KLHL2: variants seen among roughly 807,000 people sequenced by gnomAD.
KLHL2 encodes kelch like family member 2.
A neutral mutation model predicts 75.8 loss-of-function variants in KLHL2; 15 were observed. That is an observed-to-expected ratio of 0.20 (90% confidence interval 0.13 to 0.30). The LOEUF (loss-of-function observed/expected upper bound fraction) is 0.30. Among genes scored for constraint, KLHL2 ranks in the 10% least tolerant of loss-of-function variants. The pLI, the probability that KLHL2 is intolerant of heterozygous loss-of-function variation, is 1.00. For synonymous variants in KLHL2, 214 were observed against 251.9 expected (o/e 0.85, Z 1.42); for missense variants, 381 against 741.0 (o/e 0.51, Z 5.64).
intron 2 of KLHL2, among the ~76,000 whole-genome samples, chr4:165,227,236 A>G (rs6821996): frequency 0.084 from 12,715 of 152,136 alleles, 597 homozygotes; most frequent in Middle Eastern, 0.1. Flanking sequence ...GGTAACACAC[A>G]AGCCATACCA....
chr4:165,284,710 C>T (rs1304484852), intron 5 of KLHL2, among the ~76,000 whole-genome samples: 2 of 152,196 alleles, frequency 1.3e-5, no homozygotes, highest in Non-Finnish European at 2.9e-5. Context: ...TTCTGCAGCA[C>T]CCCACTTTAC....
intron 11 of KLHL2, 38 bp downstream of exon 11, chr4:165,311,603 T>G: frequency 6.9e-7 from 1 of 1,442,466 alleles, no homozygotes; most frequent in South Asian, 1.2e-5. Flanking sequence ...ATGTGGCATT[T>G]TGATCCTTGA....
In KLHL2 at chr4:165,219,947, G is replaced by T. The variant is rs777198786; in HGVS notation, c.40G>T (p.Gly14Cys). ...PPLPPACTKQ[G>C]HQKPLDSKDD... ...TTTTATGTACAGATGCACAAAGCAG[G>T]GTCATCAGAAGCCTCTCGATTCAAA... The change falls in exon 2 of 15, where the codon GGT (glycine) becomes TGT (cysteine). Residue 14 changes from glycine to cysteine, a missense_variant. By Grantham distance (159) the Gly-to-Cys change is radical (BLOSUM62 -3). Coordinates refer to ENST00000226725, the MANE Select transcript of KLHL2 (RefSeq NM_007246.4). 301 of 1,613,110 alleles carry T rather than the reference G, an allele frequency of 1.9e-4. No homozygotes were observed. The highest frequency in any genetic ancestry group is 2.5e-4 in the Non-Finnish European group (294 of 1,179,626).
intron 2 of KLHL2, among the ~76,000 whole-genome samples, chr4:165,225,877 G>A (rs549691259): frequency 3.3e-4 from 50 of 152,266 alleles, no homozygotes; most frequent in African/African-American, 1.2e-3. Context: ...CCAGGATGTG[G>A]CTGCATAATA....
chr4:165,251,450 A>C (rs926505686), intron 4 of KLHL2, among the ~76,000 whole-genome samples: 8 of 152,164 alleles, frequency 5.3e-5, no homozygotes, highest in Non-Finnish European at 8.8e-5. Context: ...TTCTAGTTAA[A>C]TTATTTTTAT....
At chr4:165,283,920 C>T (rs543852950) in intron 5 of KLHL2, among the ~76,000 whole-genome samples, 9 of 152,336 alleles carry the variant, frequency 5.9e-5, no homozygotes, top group African/African-American at 1.7e-4. Context: ...CTCAACACCA[C>T]GTGGAAGCTG....
chr4:165,250,345 T>C (rs528917168), intron 4 of KLHL2, among the ~76,000 whole-genome samples: 37 of 152,336 alleles, frequency 2.4e-4, no homozygotes, highest in South Asian at 8.3e-4. Context: ...AAACATCTAC[T>C]GAGCAGTTTT....
chr4:165,249,867 G>A (rs1740551135), intron 4 of KLHL2, among the ~76,000 whole-genome samples: 1 of 152,190 alleles, frequency 6.6e-6, no homozygotes, highest in Non-Finnish European at 1.5e-5. Context: ...GCTCACGCCT[G>A]TAATCCCAGC....
Position 165,274,324 on chromosome 4 carries a change from C to T in KLHL2, c.544+10965C>T, listed in dbSNP as rs1288124661. On this transcript the variant is annotated intron_variant, in intron 5 of 14. Coordinates refer to ENST00000226725, the MANE Select transcript of KLHL2 (RefSeq NM_007246.4). ...TGTGACTGCACATAAGAAGAGCACT[C>T]TCGGGCTGGGCGCAGTGGCTCATGC... 3.9e-5 allele frequency among the ~76,000 whole-genome samples: 6 copies of T among 152,086 alleles called. No homozygotes were observed. In the East Asian group the frequency reaches 9.7e-4, roughly 25 times the overall value.
intron 14 of KLHL2, among the ~76,000 whole-genome samples, chr4:165,320,523 C>T (rs896206809): frequency 2.0e-5 from 3 of 152,112 alleles, no homozygotes; most frequent in Non-Finnish European, 4.4e-5. Context: ...CCCCTAAACA[C>T]AATGTATCTA....
chr4:165,210,019 A>T (rs1168248433), intron 1 of KLHL2: 1 of 1,524,556 alleles, frequency 6.6e-7, no homozygotes, highest in East Asian at 2.5e-5. Context: ...ACCGGGCCTC[A>T]CTGCCAGAGC....
chr4:165,219,655 G>T (rs1162174593), intron 1 of KLHL2: 3 of 1,155,236 alleles, frequency 2.6e-6, no homozygotes, highest in Non-Finnish European at 3.2e-6. Flanking sequence ...TTTATTTGGA[G>T]ATATCTGCTA....
intron 4 of KLHL2, among the ~76,000 whole-genome samples, chr4:165,256,720 C>A (rs1320310844): frequency 6.6e-6 from 1 of 152,132 alleles, no homozygotes; most frequent in Non-Finnish European, 1.5e-5. Flanking sequence ...AGAAAATGCA[C>A]CACTTAACAA....
intron 2 of KLHL2, among the ~76,000 whole-genome samples, chr4:165,225,340 G>A (rs917123038): frequency 1.3e-5 from 2 of 152,048 alleles, no homozygotes; most frequent in African/African-American, 4.8e-5. Flanking sequence ...TTCCTTGTCT[G>A]TCTCCCTCAC....
Position 165,223,848 on chromosome 4 carries a change from A to G in KLHL2, c.152+3789A>G. 4 of 297,058 alleles carry G rather than the reference A, an allele frequency of 1.3e-5. No individual in the cohort carries two copies. In the Middle Eastern group the frequency reaches 3.7e-3, roughly 274 times the overall value. The allele number at this position is 297,058 out of a possible 1,614,324, so 18.4% of individuals were successfully genotyped here. On this transcript the variant is annotated intron_variant, in intron 2 of 14. Coordinates refer to ENST00000226725, the MANE Select transcript of KLHL2 (RefSeq NM_007246.4). The stretch of plus-strand genomic sequence containing the variant: ...CCCAATAGATCTTCACAGAATGCTT[A>G]TAATGTGCAACACACTGTATTAGGT...
chr4:165,255,008 G>A (rs1741052560), intron 4 of KLHL2, among the ~76,000 whole-genome samples: 1 of 152,180 alleles, frequency 6.6e-6, no homozygotes, highest in Admixed American at 6.5e-5. Flanking sequence ...GTGTTAAATC[G>A]TTGACTGACA....
chr4:165,245,583 C>T (rs1263471709), intron 4 of KLHL2, among the ~76,000 whole-genome samples: 8 of 152,108 alleles, frequency 5.3e-5, no homozygotes, highest in African/African-American at 1.4e-4. Flanking sequence ...TTAGGAGTCA[C>T]GCTGTGGCTT....
intron 5 of KLHL2, among the ~76,000 whole-genome samples, chr4:165,291,582 T>C (rs1744509503): frequency 6.6e-6 from 1 of 152,180 alleles, no homozygotes; most frequent in African/African-American, 2.4e-5. Context: ...TTGAAAAGAC[T>C]CTTCTTTTTC....
In KLHL2 at chr4:165,319,531, T is replaced by A. The variant is rs1360888346; in HGVS notation, c.1753+1562T>A. 6.6e-6 allele frequency among the ~76,000 whole-genome samples: 1 copy of A among 152,210 alleles called. No homozygotes were observed. Among genetic ancestry groups the A allele is most frequent in the Non-Finnish European group, 1.5e-5 (1 of 68,040 alleles). On this transcript the variant is annotated intron_variant, in intron 14 of 14. Coordinates refer to ENST00000226725, the MANE Select transcript of KLHL2 (RefSeq NM_007246.4). The surrounding 1 kb of genome is among the most constrained non-coding windows in gnomAD (Gnocchi z 4.5). ...AGGAAAAAGGAAATTCATGAAGCCG[T>A]CCCTGCAGCCATCCCAGCAGTTTTG... is the stretch of plus-strand genomic sequence containing the variant.
Sources: gnomAD v4.1 joint callset for allele counts (sites outside exome capture counted in the v4.1 genomes callset) on GRCh38, gnomAD v4.1.1 for gene constraint, Gnocchi (gnomAD v3.1) non-coding constraint, MANE v1.5 for transcripts, NCBI Gene and HGNC (gene_info 2026-07-23, HGNC 2026-07-21) for gene names.